LINGO2: variants seen among roughly 807,000 people sequenced by gnomAD.
LINGO2 encodes the protein leucine-rich repeat and immunoglobulin-like domain-containing nogo receptor-interacting protein 2.
A neutral mutation model predicts 30.6 loss-of-function variants in LINGO2; 14 were observed. The ratio of observed to expected loss-of-function variants is 0.46; its 90% CI spans 0.30 to 0.72. The LOEUF (loss-of-function observed/expected upper bound fraction) is 0.72. Among genes scored for constraint, LINGO2 ranks in the 30% least tolerant of loss-of-function variants. The pLI, the probability that LINGO2 is intolerant of heterozygous loss-of-function variation, is 0.07. For missense variants in LINGO2, 729 were observed against 751.7 expected, an observed-to-expected ratio of 0.97 and a Z score of 0.35; for synonymous variants, 317 against 288.5, an observed-to-expected ratio of 1.10 and a Z score of -1.00.
chr9:28,026,333 A>G (rs1823374806), intron 4 of LINGO2, among the ~76,000 whole-genome samples: 1 of 152,196 alleles, frequency 6.6e-6, no homozygotes, highest in African/African-American at 2.4e-5. Context: ...GGCATAATAG[A>G]TATTAAATGA....
At chr9:28,357,036 T>C (rs967830655) in intron 3 of LINGO2, among the ~76,000 whole-genome samples, 7 of 152,144 alleles carry the variant, frequency 4.6e-5, no homozygotes, top group African/African-American at 1.7e-4. Flanking sequence ...TTTCACTAAA[T>C]GAATGTGGCA....
chr9:28,430,157 A>T (rs976560353), intron 2 of LINGO2, among the ~76,000 whole-genome samples: 2 of 151,714 alleles, frequency 1.3e-5, no homozygotes, highest in Admixed American at 6.6e-5. Context: ...CGAGATTCTT[A>T]GTTTCATTTC....
chr9:28,556,114 C>T (rs1333459878), intron 1 of LINGO2, among the ~76,000 whole-genome samples: 2 of 152,034 alleles, frequency 1.3e-5, no homozygotes, highest in South Asian at 2.1e-4. Flanking sequence ...CTCACCACTC[C>T]TATTCAACAT....
chr9:28,016,656 A>C (rs1314453341), intron 4 of LINGO2, among the ~76,000 whole-genome samples: 1 of 1,268 alleles, frequency 7.9e-4, no homozygotes, highest in Non-Finnish European at 3.9e-3. Context: ...CTCCAAACAT[A>C]TCAATGAGTT....
rs191573408 is a variant in LINGO2 at position 28,130,112 on chromosome 9, C to A, written c.-86-117707G>T. 1.8e-4 allele frequency among the ~76,000 whole-genome samples: 28 copies of A among 152,306 alleles called. No individual in the cohort carries two copies. Among genetic ancestry groups the A allele is most frequent in the African/African-American group, 6.5e-4 (27 of 41,568 alleles). On this transcript the variant is annotated intron_variant, in intron 4 of 5. Transcript: ENST00000379992. This position sits in a 1 kb window ranked among gnomAD's most constrained non-coding sequence, Gnocchi z 5.2. Reference sequence around the variant, plus strand: ...TAAACTCTTGGGGATTTTGTCAATTCTGACATTGATTCCCATGTGGAACAG... The same window carrying A: ...TAAACTCTTGGGGATTTTGTCAATTATGACATTGATTCCCATGTGGAACAG...
intron 3 of LINGO2, among the ~76,000 whole-genome samples, chr9:28,314,964 C>T (rs1824783515): frequency 6.7e-6 from 1 of 148,348 alleles, no homozygotes; most frequent in East Asian, 2.0e-4. Context: ...GAGCCGAGAT[C>T]GCGCCACTCC....
At chr9:28,066,265 T>C (rs1825310826) in intron 4 of LINGO2, among the ~76,000 whole-genome samples, 1 of 152,132 alleles carries the variant, frequency 6.6e-6, no homozygotes, top group African/African-American at 2.4e-5. Flanking sequence ...ACATCTGTGA[T>C]CAGCAACAGA....
chr9:28,177,882 G>C (rs1828791786), intron 4 of LINGO2, among the ~76,000 whole-genome samples: 1 of 152,176 alleles, frequency 6.6e-6, no homozygotes, highest in African/African-American at 2.4e-5. Context: ...CCTGTTAAAA[G>C]TGACGCTGCT....
intron 1 of LINGO2, among the ~76,000 whole-genome samples, chr9:28,555,166 T>A (rs562283400): frequency 2.3e-5 from 3 of 127,948 alleles, no homozygotes; most frequent in East Asian, 2.3e-4. Flanking sequence ...CTGAAGGAAA[T>A]AGAGACACAA....
intron 1 of LINGO2, among the ~76,000 whole-genome samples, chr9:28,545,497 G>C (rs887459625): frequency 3.3e-5 from 5 of 152,152 alleles, no homozygotes; most frequent in African/African-American, 9.6e-5. Context: ...CTAGGCTTGG[G>C]ATGGAGGCAC....
chr9:28,970,706 A>C, the LINGO2 span, among the ~76,000 whole-genome samples: 1 of 152,184 alleles, frequency 6.6e-6, no homozygotes, highest in Non-Finnish European at 1.5e-5. Flanking sequence ...CCAAAAGGGA[A>C]TTGCCAATCC....
upstream of LINGO2, among the ~76,000 whole-genome samples, chr9:28,673,159 T>A (rs903578411): frequency 6.6e-6 from 1 of 152,082 alleles, no homozygotes; most frequent in Non-Finnish European, 1.5e-5. Context: ...CAGAGTTTTG[T>A]GGGTTAATAA....
the LINGO2 span, among the ~76,000 whole-genome samples, chr9:28,805,839 T>C: frequency 6.6e-6 from 1 of 152,042 alleles, no homozygotes; most frequent in Non-Finnish European, 1.5e-5. Flanking sequence ...TATGCATGGG[T>C]TTTGGAAAAA....
chr9:28,697,572 A>G, the LINGO2 span, among the ~76,000 whole-genome samples: 1 of 152,100 alleles, frequency 6.6e-6, no homozygotes. Flanking sequence ...GGGTCTTTGT[A>G]AAAAACAAAG....
At chr9:28,888,847 C>T in the LINGO2 span, 3 of 532,376 alleles carry the variant, frequency 5.6e-6, no homozygotes, top group South Asian at 2.8e-5. Context: ...AAATGTTGTC[C>T]ATTGCAAAGC....
At chr9:29,102,374 C>G in the LINGO2 span, among the ~76,000 whole-genome samples, 5 of 152,302 alleles carry the variant, frequency 3.3e-5, no homozygotes, top group Admixed American at 6.5e-5. Context: ...AGCCACCACA[C>G]CTGGCCCATC....
At chr9:29,018,814 T>C in the LINGO2 span, among the ~76,000 whole-genome samples, 2 of 152,164 alleles carry the variant, frequency 1.3e-5, no homozygotes, top group Non-Finnish European at 2.9e-5. Context: ...CAAGCAAAAA[T>C]TGCATAAGAC....
chr9:28,750,056 G>A, the LINGO2 span, among the ~76,000 whole-genome samples: 5 of 152,132 alleles, frequency 3.3e-5, no homozygotes, highest in African/African-American at 1.2e-4. Flanking sequence ...AAATTTAGGA[G>A]GTACATAGAG....
intron 4 of LINGO2, among the ~76,000 whole-genome samples, chr9:28,159,195 A>G (rs1325355117): frequency 6.6e-6 from 1 of 152,158 alleles, no homozygotes; most frequent in Non-Finnish European, 1.5e-5. Flanking sequence ...TAAGAATTTT[A>G]GTTTGTTTTT....
Sources: allele counts gnomAD v4.1 joint callset (sites outside exome capture counted in the v4.1 genomes callset), GRCh38; gene constraint gnomAD v4.1.1; non-coding constraint Gnocchi (gnomAD v3.1); transcripts MANE v1.5; gene names NCBI Gene and HGNC (gene_info 2026-07-23, HGNC 2026-07-21).